The following ERC2 variants were observed in gnomAD, a reference collection of about 807,000 sequenced individuals.
The protein encoded by ERC2 is ELKS/RAB6-interacting/CAST family member 2.
ERC2 carries 42 observed loss-of-function variants against 114.8 expected under a neutral mutation model. That is an observed-to-expected ratio of 0.37 (90% confidence interval 0.29 to 0.47). ERC2 has a LOEUF of 0.47. ERC2 is among the 20% of genes least tolerant of loss of function. The pLI is 0.99. For synonymous variants in ERC2, 454 were observed against 425.5 expected (o/e 1.07, Z -0.82); for missense variants, 939 against 1,150.7 (o/e 0.82, Z 2.66).
chr3:55,636,846 C>A (rs892447183), intron 17 of ERC2, among the ~76,000 whole-genome samples: 1 of 152,198 alleles, frequency 6.6e-6, no homozygotes, highest in African/African-American at 2.4e-5. Context: ...AATGACAAAC[C>A]AGACCTGATT....
At chr3:55,671,808 G>A (rs1450989554) in intron 17 of ERC2, among the ~76,000 whole-genome samples, 2 of 152,072 alleles carry the variant, frequency 1.3e-5, no homozygotes, top group Non-Finnish European at 2.9e-5. Flanking sequence ...GAGAAGTCAG[G>A]CTGCAGCAAA....
chr3:55,855,716 T>C (rs2061759297), intron 14 of ERC2, among the ~76,000 whole-genome samples: 1 of 152,220 alleles, frequency 6.6e-6, no homozygotes, highest in Admixed American at 6.5e-5. Flanking sequence ...CTATATAGCT[T>C]ATTAGAACAA....
At chr3:56,307,829 C>CAT (rs199597999) in intron 2 of ERC2, among the ~76,000 whole-genome samples, 1,569 of 13,380 alleles carry the variant, frequency 0.12, 10 homozygotes, top group South Asian at 0.35. Flanking sequence ...CACACACTTG[C>CAT]ACACACACAC....
chr3:56,452,650 A>C (rs1023922060), intron 1 of ERC2, among the ~76,000 whole-genome samples: 3 of 152,212 alleles, frequency 2.0e-5, no homozygotes, highest in African/African-American at 4.8e-5. Context: ...AAAAGATATC[A>C]TCTAAGTCTG....
At chr3:55,657,239 T>C (rs2060912561) in intron 17 of ERC2, 1 of 152,006 alleles carries the variant, frequency 6.6e-6, no homozygotes, top group Non-Finnish European at 1.5e-5. Context: ...TTCAGGCAGC[T>C]AGATCTAGCC....
chr3:56,172,833 C>T (rs1366956497), intron 4 of ERC2, among the ~76,000 whole-genome samples: 1 of 152,110 alleles, frequency 6.6e-6, no homozygotes, highest in African/African-American at 2.4e-5. Flanking sequence ...CTTCATGATT[C>T]CTTAAACGCC....
chr3:55,638,070 T>C (rs1339870101), intron 17 of ERC2, among the ~76,000 whole-genome samples: 1 of 152,220 alleles, frequency 6.6e-6, no homozygotes, highest in African/African-American at 2.4e-5. Context: ...ACACAATGAT[T>C]TCCCTTGTCC....
chr3:56,426,327 T>C (rs1489958627), intron 2 of ERC2, among the ~76,000 whole-genome samples: 1 of 152,236 alleles, frequency 6.6e-6, no homozygotes, highest in Non-Finnish European at 1.5e-5. Context: ...TAGAAAGTGC[T>C]CATCCACCTT....
At chr3:56,355,464 A>G (rs1204837593) in intron 2 of ERC2, among the ~76,000 whole-genome samples, 1 of 151,934 alleles carries the variant, frequency 6.6e-6, no homozygotes, top group Non-Finnish European at 1.5e-5. Flanking sequence ...GACCACAGGC[A>G]TGCACATCAT....
At chr3:55,799,172 A>G (rs2070770421) in intron 14 of ERC2, among the ~76,000 whole-genome samples, 1 of 151,872 alleles carries the variant, frequency 6.6e-6, no homozygotes, top group Admixed American at 6.6e-5. Context: ...CCATGGCTCA[A>G]TGTATAAAGT....
intron 14 of ERC2, among the ~76,000 whole-genome samples, chr3:55,832,281 C>A (rs1011951632): frequency 6.6e-6 from 1 of 152,236 alleles, no homozygotes; most frequent in African/African-American, 2.4e-5. Context: ...AGCTGGAGAT[C>A]TGAGAACAGG....
chr3:56,179,297 A>G (rs2150039281), intron 3 of ERC2, among the ~76,000 whole-genome samples: 1 of 152,144 alleles, frequency 6.6e-6, no homozygotes, highest in African/African-American at 2.4e-5. Flanking sequence ...AAGCCAAAGA[A>G]GTGCAGGGGT....
chr3:56,454,944 C>A (rs961986648), intron 1 of ERC2, among the ~76,000 whole-genome samples: 22 of 150,766 alleles, frequency 1.5e-4, no homozygotes, highest in African/African-American at 4.9e-4. Flanking sequence ...GTGAAATAAA[C>A]CAGCCACAAA....
intron 2 of ERC2, among the ~76,000 whole-genome samples, chr3:56,423,514 A>C (rs1034433680): frequency 6.6e-6 from 1 of 152,270 alleles, no homozygotes; most frequent in East Asian, 1.9e-4. Flanking sequence ...ACAGTTGAGA[A>C]CTACCAAGTT....
chr3:55,729,681 T>C (rs1222853085), intron 15 of ERC2, among the ~76,000 whole-genome samples: 4 of 150,924 alleles, frequency 2.7e-5, no homozygotes, highest in Non-Finnish European at 4.4e-5. Context: ...TAAAAAATAA[T>C]AATAAAACAA....
chr3:56,419,815 A>T (rs1156591955), intron 2 of ERC2, among the ~76,000 whole-genome samples: 1 of 152,200 alleles, frequency 6.6e-6, no homozygotes, highest in Non-Finnish European at 1.5e-5. Context: ...GATTATGCAC[A>T]CCTTTCTAGG....
chr3:55,648,306 G>A (rs2060476586), intron 17 of ERC2, among the ~76,000 whole-genome samples: 1 of 152,214 alleles, frequency 6.6e-6, no homozygotes, highest in Admixed American at 6.5e-5. Flanking sequence ...CCCTCAATGT[G>A]CCAGCTGTGA....
intron 17 of ERC2, among the ~76,000 whole-genome samples, chr3:55,572,750 A>G (rs2056784735): frequency 6.6e-6 from 1 of 152,196 alleles, no homozygotes; most frequent in Non-Finnish European, 1.5e-5. Flanking sequence ...GCCTCCCTCC[A>G]ATAGTCAAAT....
At chr3:55,784,861 C>A (rs1407362277) in intron 14 of ERC2, among the ~76,000 whole-genome samples, 4 of 152,294 alleles carry the variant, frequency 2.6e-5, no homozygotes, top group Admixed American at 6.5e-5. Context: ...AGAGTTTCCA[C>A]AAATGCCAAC....
Sources: gnomAD v4.1 joint callset for allele counts (sites outside exome capture counted in the v4.1 genomes callset) on GRCh38, gnomAD v4.1.1 for gene constraint, MANE v1.5 for transcripts, NCBI Gene and HGNC (gene_info 2026-07-23, HGNC 2026-07-21) for gene names.